The following GPR137B variants were observed in gnomAD, a reference collection of about 807,000 sequenced individuals.
The protein encoded by GPR137B is G protein-coupled receptor 137B, also known as integral membrane protein GPR137B.
GPR137B carries 42 observed loss-of-function variants against 42.5 expected under a neutral mutation model. That is an observed-to-expected ratio of 0.99 (90% CI 0.77 to 1.28). The LOEUF (loss-of-function observed/expected upper bound fraction) is 1.28. GPR137B is among the 50% of genes most tolerant of loss of function. The pLI, the probability that GPR137B is intolerant of heterozygous loss-of-function variation, is 0.00. For missense variants in GPR137B, 487 were observed against 493.9 expected, an observed-to-expected ratio of 0.99 and a Z score of 0.13; for synonymous variants, 218 against 209.7, an observed-to-expected ratio of 1.04 and a Z score of -0.34.
intron 1 of GPR137B, among the ~76,000 whole-genome samples, chr1:236,153,039 G>C (rs1305303371): frequency 6.7e-6 from 1 of 148,908 alleles, no homozygotes; most frequent in Non-Finnish European, 1.5e-5. Context: ...CTGGGAGACA[G>C]AGCAATACTC....
rs192717016 is a variant in GPR137B, at chr1:236,156,984, C to T, written c.415-11722C>T. ...GAACATAGATGAGGACTAATAATAC[C>T]AACAGCAGGGGTTGCAGCCACCCAC... On this transcript the variant is annotated intron_variant, in intron 1 of 6. Transcript: ENST00000366592. The surrounding 1 kb of genome is among the most constrained non-coding windows in gnomAD (Gnocchi z 4.8). Among the ~76,000 whole-genome samples the T allele has an allele frequency of 6.6e-6, 1 of 152,234 alleles. No individual in the cohort carries two copies. The highest frequency in any genetic ancestry group is 6.5e-5 in the Admixed American group (1 of 15,288).
At chr1:236,196,820 G>T (rs1278873554) in intron 5 of GPR137B, among the ~76,000 whole-genome samples, 1 of 152,070 alleles carries the variant, frequency 6.6e-6, no homozygotes, top group Non-Finnish European at 1.5e-5. Flanking sequence ...GTAGTCCATG[G>T]TATATATATA....
chr1:236,207,505 C>T (rs779021445), intron 6 of GPR137B, among the ~76,000 whole-genome samples: 1 of 152,160 alleles, frequency 6.6e-6, no homozygotes, highest in Non-Finnish European at 1.5e-5. Flanking sequence ...GTCCTCACTA[C>T]CGATATGGTG....
chr1:236,170,061 AAAAGAAT>A (rs1662488018), intron 2 of GPR137B, among the ~76,000 whole-genome samples: 1 of 149,400 alleles, frequency 6.7e-6, no homozygotes, highest in African/African-American at 2.5e-5. Flanking sequence ...AAAAAAAAAA[AAAAGAAT>A]GGTCAGGTTT....
intron 4 of GPR137B, chr1:236,180,262 A>C (rs911610754): frequency 2.4e-6 from 1 of 416,070 alleles, no homozygotes; most frequent in Non-Finnish European, 4.3e-6. Context: ...GTTATACTAC[A>C]TTGTTTGAAA....
intron 4 of GPR137B, among the ~76,000 whole-genome samples, chr1:236,183,024 T>C (rs1449671214): frequency 6.6e-6 from 1 of 152,174 alleles, no homozygotes; most frequent in Non-Finnish European, 1.5e-5. Context: ...TATGATGTTA[T>C]AGAGAAGGCA....
At chr1:236,202,620 G>T (rs961359706) in intron 5 of GPR137B, among the ~76,000 whole-genome samples, 1 of 151,992 alleles carries the variant, frequency 6.6e-6, no homozygotes, top group Non-Finnish European at 1.5e-5. Context: ...GTATTTATAT[G>T]TAAATAGAAT....
intron 1 of GPR137B, among the ~76,000 whole-genome samples, chr1:236,146,355 G>T (rs1195854926): frequency 6.6e-6 from 1 of 152,218 alleles, no homozygotes; most frequent in African/African-American, 2.4e-5. Context: ...AGAAGCAGGT[G>T]TCTGGAGGCT....
At chr1:236,175,710 C>T (rs1368606076) in intron 2 of GPR137B, among the ~76,000 whole-genome samples, 8 of 152,046 alleles carry the variant, frequency 5.3e-5, no homozygotes, top group African/African-American at 1.9e-4. Flanking sequence ...ACATGAAAAC[C>T]GTAATACCTC....
rs1558491392 is a variant in GPR137B at position 236,186,263 on chromosome 1, T to TATATATAATAATATAAATAATATATA, written c.966+2363_966+2364insAATAATATAAATAATATATAATATAT. 6.1e-3 allele frequency among the ~76,000 whole-genome samples: 123 copies of TATATATAATAATATAAATAATATATA among 20,108 alleles called. 12 individuals carry two copies. Among genetic ancestry groups the TATATATAATAATATAAATAATATATA allele is most frequent in the East Asian group, 0.013 (7 of 530 alleles). The allele number at this position is 20,108 out of a possible 152,430, so 13.2% of individuals were successfully genotyped here. On this transcript the variant is annotated intron_variant, in intron 5 of 6. Transcript: ENST00000366592. The stretch of plus-strand genomic sequence containing the variant: ...AATATAAATAATATATAATATATAT[T>TATATATAATAATATAAATAATATATA]ATATATTATATATAATAATATAAAT...
intron 1 of GPR137B, among the ~76,000 whole-genome samples, chr1:236,161,892 C>T (rs892108346): frequency 6.6e-6 from 1 of 152,128 alleles, no homozygotes; most frequent in African/African-American, 2.4e-5. Flanking sequence ...TCTTTATCAG[C>T]AGTGTGAAAA....
At chr1:236,163,654 C>A (rs145304447) in intron 1 of GPR137B, among the ~76,000 whole-genome samples, 2 of 152,048 alleles carry the variant, frequency 1.3e-5, no homozygotes, top group South Asian at 4.1e-4. Flanking sequence ...CAGGGGTTTC[C>A]GCTTTTGCTT....
intron 5 of GPR137B, among the ~76,000 whole-genome samples, chr1:236,203,594 G>A (rs1167190635): frequency 6.6e-6 from 1 of 152,124 alleles, no homozygotes; most frequent in African/African-American, 2.4e-5. Flanking sequence ...CATTGAATCT[G>A]TAGATTGCTT....
Position 236,142,610 on chromosome 1 carries a change from G to A in GPR137B, c.-13G>A. ...GGAGACCCCCGCGGGGGCGGCGGCG[G>A]CCGTGAGCCCCGATGAGGCCCGAGC... is the stretch of plus-strand genomic sequence containing the variant. On this transcript the variant is annotated 5_prime_UTR_variant, in exon 1 of 7. Transcript: ENST00000366592. 2 of 1,315,556 alleles carry A rather than the reference G, an allele frequency of 1.5e-6. No homozygotes were observed. Among genetic ancestry groups the A allele is most frequent in the Non-Finnish European group, 1.9e-6 (2 of 1,040,852 alleles). 81.5% of individuals were successfully genotyped at this position (1,315,556 alleles called of 1,614,324 possible). A position where few individuals can be genotyped will look rare whatever the true frequency, so the allele number is the denominator to read the frequency against.
At chr1:236,144,692 C>T (rs1471582838) in intron 1 of GPR137B, among the ~76,000 whole-genome samples, 1 of 152,246 alleles carries the variant, frequency 6.6e-6, no homozygotes, top group Non-Finnish European at 1.5e-5. Context: ...CTGCATTGCA[C>T]AGACACTTGG....
intron 5 of GPR137B, among the ~76,000 whole-genome samples, chr1:236,192,814 G>A (rs930807972): frequency 1.3e-5 from 2 of 152,188 alleles, no homozygotes; most frequent in South Asian, 2.1e-4. Flanking sequence ...TGTTTTTATC[G>A]CTGTATGACA....
rs142717681 is a variant in GPR137B, at chr1:236,204,371, T to G, written c.967-755T>G. On this transcript the variant is annotated intron_variant, in intron 5 of 6. Coordinates refer to ENST00000366592, the MANE Select transcript of GPR137B (RefSeq NM_003272.4). ...AGAGATATTGGCCTACAGTTTTATG[T>G]GTCTTTGGTTTTAGTATCAGGGTAA... Among the ~76,000 whole-genome samples, 1,213 of 152,316 alleles carry G rather than the reference T, an allele frequency of 8.0e-3. 15 individuals carry two copies. Among genetic ancestry groups the G allele is most frequent in the African/African-American group, 0.028 (1,157 of 41,562 alleles).
chr1:236,169,330 C>T (rs147382469), intron 2 of GPR137B, among the ~76,000 whole-genome samples: 56 of 152,328 alleles, frequency 3.7e-4, no homozygotes, highest in African/African-American at 1.3e-3. Context: ...TGGTAGGCTC[C>T]GGCTCCTTGT....
chr1:236,207,091 G>A (rs781052300), intron 6 of GPR137B: 2 of 959,544 alleles, frequency 2.1e-6, no homozygotes, highest in Non-Finnish European at 2.5e-6. Flanking sequence ...AAAGTCTTTA[G>A]AAAACTTTTT....
Sources: allele counts gnomAD v4.1 joint callset (sites outside exome capture counted in the v4.1 genomes callset), GRCh38; gene constraint gnomAD v4.1.1; non-coding constraint Gnocchi (gnomAD v3.1); transcripts MANE v1.5; gene names NCBI Gene and HGNC (gene_info 2026-07-23, HGNC 2026-07-21).